The following TRPC4 variants were observed in gnomAD, a reference collection of about 807,000 sequenced individuals.
TRPC4 encodes transient receptor potential cation channel subfamily C member 4, also known as short transient receptor potential channel 4.
Under a neutral mutation model 99.4 loss-of-function variants are expected in TRPC4, and 49 were observed. The observed-to-expected ratio is 0.49, with a 90% CI of 0.39 to 0.63. The LOEUF (loss-of-function observed/expected upper bound fraction) is 0.63. Among genes scored for constraint, TRPC4 ranks in the 20% least tolerant of loss-of-function variants. The pLI, the probability that TRPC4 is intolerant of heterozygous loss-of-function variation, is 0.00. For missense variants in TRPC4, 898 were observed against 1,152.9 expected (o/e 0.78, Z 3.20); for synonymous variants, 454 against 425.9 (o/e 1.07, Z -0.81).
intron 1 of TRPC4, among the ~76,000 whole-genome samples, chr13:37,858,448 C>T (rs1169497713): frequency 3.3e-5 from 5 of 149,500 alleles, no homozygotes; most frequent in Admixed American, 3.3e-4. Flanking sequence ...TAAAACGTAT[C>T]AGTATATCGA....
At chr13:37,733,406 C>G (rs754765307) in intron 3 of TRPC4, among the ~76,000 whole-genome samples, 9 of 152,084 alleles carry the variant, frequency 5.9e-5, no homozygotes, top group Non-Finnish European at 1.0e-4. Context: ...TCTAATCTAT[C>G]CCATCAAGCT....
At chr13:37,700,776 A>G (rs1954079344) in intron 3 of TRPC4, among the ~76,000 whole-genome samples, 1 of 152,164 alleles carries the variant, frequency 6.6e-6, no homozygotes, top group Non-Finnish European at 1.5e-5. Context: ...GTGAAGGGTT[A>G]TATTTGTTTC....
intron 1 of TRPC4, among the ~76,000 whole-genome samples, chr13:37,846,476 A>T (rs1394975129): frequency 6.6e-6 from 1 of 152,088 alleles, no homozygotes; most frequent in Non-Finnish European, 1.5e-5. Context: ...GAGTCTTTAT[A>T]TGGAATTAAA....
intron 3 of TRPC4, among the ~76,000 whole-genome samples, chr13:37,741,923 G>A (rs1158225420): frequency 6.0e-5 from 6 of 100,324 alleles, no homozygotes; most frequent in Non-Finnish European, 9.9e-5. Flanking sequence ...CTGTGACTCC[G>A]ATTTTTTCAT....
At chr13:37,780,116 T>C (rs1172288880) in intron 2 of TRPC4, among the ~76,000 whole-genome samples, 1 of 152,026 alleles carries the variant, frequency 6.6e-6, no homozygotes, top group Non-Finnish European at 1.5e-5. Flanking sequence ...TGGAAATTGT[T>C]CCCCTGTGAA....
intron 4 of TRPC4, among the ~76,000 whole-genome samples, chr13:37,675,486 C>A (rs978099756): frequency 3.9e-5 from 6 of 152,150 alleles, no homozygotes; most frequent in Non-Finnish European, 5.9e-5. Flanking sequence ...TACCCTCTTG[C>A]ATGCTCTTCT....
chr13:37,866,352 G>C (rs368663644), intron 1 of TRPC4, among the ~76,000 whole-genome samples: 3 of 151,652 alleles, frequency 2.0e-5, no homozygotes, highest in East Asian at 3.9e-4. Context: ...ATACAGTTTA[G>C]TTACAATAGT....
chr13:37,820,228 C>T (rs1184976045), intron 1 of TRPC4, among the ~76,000 whole-genome samples: 1 of 151,890 alleles, frequency 6.6e-6, no homozygotes, highest in African/African-American at 2.4e-5. Flanking sequence ...CACGCAACCT[C>T]CCAAGATTGA....
chr13:37,835,674 C>CA (rs1940201042), intron 1 of TRPC4, among the ~76,000 whole-genome samples: 2 of 151,402 alleles, frequency 1.3e-5, no homozygotes, highest in South Asian at 2.1e-4. Context: ...AGTGAGTAGC[C>CA]AAAAAAAGAG....
rs573854916 is a variant in TRPC4 at position 37,840,333 on chromosome 13, T to C, written c.-28+29262A>G. On this transcript the variant is annotated intron_variant, in intron 1 of 10. Transcript: ENST00000379705. The stretch of plus-strand genomic sequence containing the variant: ...TCAAAGATGTGTTTGAAAGAGTTTG[T>C]TTAAAAGTATTTAGACAGTTACAAA... 2.5e-4 allele frequency among the ~76,000 whole-genome samples: 38 copies of C among 152,232 alleles called. 1 individual carries two copies. The South Asian group carries it at 7.0e-3, about 28-fold the overall frequency.
intron 5 of TRPC4, 122 bp downstream of exon 5, chr13:37,674,106 G>A: frequency 1.1e-6 from 1 of 890,980 alleles, no homozygotes; most frequent in Non-Finnish European, 1.6e-6. Flanking sequence ...AAAACCATGA[G>A]CTGATGAATA....
rs1425868790 is a variant in TRPC4 at position 37,635,394 on chromosome 13, C to T, written c.*1509G>A. On this transcript the variant is annotated 3_prime_UTR_variant, in exon 11 of 11. Coordinates refer to ENST00000379705, the MANE Select transcript of TRPC4 (RefSeq NM_016179.4). Reference sequence around the variant, plus strand: ...TAAAAACAGGAGCTACTTCAGAGGGCTGTAAAGAGCAGTACATAAATGTTA... The same window carrying T: ...TAAAAACAGGAGCTACTTCAGAGGGTTGTAAAGAGCAGTACATAAATGTTA... Among the ~76,000 whole-genome samples the T allele has an allele frequency of 6.6e-6, 1 of 151,992 alleles. No individual in the cohort carries two copies. Among genetic ancestry groups the T allele is most frequent in the East Asian group, 1.9e-4 (1 of 5,184 alleles).
At chr13:37,698,087 GT>G (rs1303135277) in intron 3 of TRPC4, among the ~76,000 whole-genome samples, 1 of 149,478 alleles carries the variant, frequency 6.7e-6, no homozygotes, top group Admixed American at 6.7e-5. Context: ...CCCCACCCCA[GT>G]ATCTGATTCA....
chr13:37,867,249 T>A (rs925923241), intron 1 of TRPC4, among the ~76,000 whole-genome samples: 1 of 152,090 alleles, frequency 6.6e-6, no homozygotes, highest in South Asian at 2.1e-4. Flanking sequence ...CTTTAAGCAC[T>A]GATAGTTACA....
intron 6 of TRPC4, among the ~76,000 whole-genome samples, chr13:37,659,303 C>T (rs1203132763): frequency 2.0e-5 from 3 of 152,068 alleles, no homozygotes; most frequent in African/African-American, 7.2e-5. Flanking sequence ...CACCTCCCTC[C>T]CTCGCTTCCT....
chr13:37,656,138 G>A (rs1952227132), intron 6 of TRPC4, among the ~76,000 whole-genome samples: 1 of 151,934 alleles, frequency 6.6e-6, no homozygotes, highest in Admixed American at 6.6e-5. Flanking sequence ...TGAAAATAAT[G>A]TCCCTTTAAC....
chr13:37,738,927 C>T lies in TRPC4; in HGVS notation c.897+7010G>A, dbSNP rs539620197. 5.2e-5 allele frequency among the ~76,000 whole-genome samples: 7 copies of T among 134,550 alleles called. No individual in the cohort carries two copies. In the East Asian group the frequency reaches 2.2e-3, roughly 42 times the overall value. 88.3% of individuals were successfully genotyped at this position (134,550 alleles called of 152,430 possible). ...TGATGACCCAAACTGAGGGTTTCCC[C>T]GGGCTTGGGATTTTCAATTGTATAA... is the stretch of plus-strand genomic sequence containing the variant. On this transcript the variant is annotated intron_variant, in intron 3 of 10. Coordinates refer to ENST00000379705, the MANE Select transcript of TRPC4 (RefSeq NM_016179.4).
intron 8 of TRPC4, among the ~76,000 whole-genome samples, chr13:37,643,038 G>T (rs1295283576): frequency 6.6e-6 from 1 of 151,984 alleles, no homozygotes; most frequent in Non-Finnish European, 1.5e-5. Flanking sequence ...CCAGAAATAC[G>T]ATTCTTTTAC....
intron 2 of TRPC4, among the ~76,000 whole-genome samples, chr13:37,765,997 T>G (rs1472535103): frequency 6.6e-6 from 1 of 151,406 alleles, no homozygotes; most frequent in African/African-American, 2.4e-5. Context: ...CTTTCCATTT[T>G]TCTTCATTAG....
Sources: gnomAD v4.1 joint callset for allele counts (sites outside exome capture counted in the v4.1 genomes callset) on GRCh38, gnomAD v4.1.1 for gene constraint, MANE v1.5 for transcripts, NCBI Gene and HGNC (gene_info 2026-07-23, HGNC 2026-07-21) for gene names.